Variants in TAF4 observed in about 807,000 individuals in gnomAD.
The protein encoded by TAF4 is transcription initiation factor TFIID subunit 4.
In TAF4, 9 loss-of-function variants were observed where a neutral mutation model predicts 90.3. The observed-to-expected ratio is 0.10, with a 90% CI of 0.06 to 0.17. The LOEUF is 0.17. TAF4 is among the 10% of genes least tolerant of loss of function. The pLI is 1.00. For synonymous variants in TAF4, 818 were observed against 638.9 expected (o/e 1.28, Z -4.23); for missense variants, 1,351 against 1,370.7 (o/e 0.99, Z 0.23).
rs1437634421 is a variant in TAF4, at chr20:62,062,370, CTGGTT to C, written c.1360+2076_1360+2080del. On this transcript the variant is annotated intron_variant, in intron 1 of 14. Coordinates refer to ENST00000252996, the MANE Select transcript of TAF4 (RefSeq NM_003185.4). ...GTTGTACTGTTCAAAAGAAGGTACT[CTGGTT>C]TGGGATACTGGTAGTTTTATTGATA... is the stretch of plus-strand genomic sequence containing the variant. 1.3e-4 allele frequency among the ~76,000 whole-genome samples: 20 copies of C among 151,568 alleles called. 1 individual carries two copies. The highest frequency in any genetic ancestry group is 2.1e-4 in the Non-Finnish European group (14 of 67,950).
chr20:62,046,755 C>T (rs1468889218), intron 1 of TAF4, among the ~76,000 whole-genome samples: 4 of 152,230 alleles, frequency 2.6e-5, no homozygotes, highest in Non-Finnish European at 4.4e-5. Context: ...AGTTTAACTC[C>T]AGCTGTTTTT....
intron 1 of TAF4, among the ~76,000 whole-genome samples, chr20:62,050,572 A>T (rs939289265): frequency 6.6e-6 from 1 of 152,050 alleles, no homozygotes; most frequent in Non-Finnish European, 1.5e-5. Context: ...AAAGGAATTT[A>T]AATGGTCAAA....
chr20:61,997,004 G>A (rs997854665), intron 14 of TAF4, among the ~76,000 whole-genome samples: 30 of 151,830 alleles, frequency 2.0e-4, no homozygotes, highest in African/African-American at 5.8e-4. Context: ...ATAAAAGACC[G>A]TTTTCTTTCT....
chr20:62,021,179 A>G (rs754623400), intron 1 of TAF4, among the ~76,000 whole-genome samples: 42 of 152,320 alleles, frequency 2.8e-4, no homozygotes, highest in Non-Finnish European at 4.9e-4. Context: ...CAAGGCTCAG[A>G]GGCAAAAAAA....
Position 62,065,524 on chromosome 20 carries a change from C to T in TAF4, c.287G>A (p.Arg96Gln). 1.0e-6 allele frequency: 1 copy of T among 976,690 alleles called. No individual in the cohort carries two copies. The highest frequency in any genetic ancestry group is 1.2e-6 in the Non-Finnish European group (1 of 825,844). The allele number at this position is 976,690 out of a possible 1,614,324, so 60.5% of individuals were successfully genotyped here. Residue 96 changes from arginine to glutamine, a missense_variant, in exon 1 of 15, where the codon CGG (arginine) becomes CAG (glutamine). Around this residue, in one of 9 missense-constraint regions of TAF4, gnomAD observed 782 missense variants for 536.6 expected, o/e 1.46. Transcript: ENST00000252996. ...APEPPPAGRARPGGGGPQRPG... is the reference protein window; with the variant it reads ...APEPPPAGRAQPGGGGPQRPG... ...GCGCTGCGGCCCCCCGCCCCCCGGC[C>T]GCGCTCTACCTGCGGGGGGCGGCTC... is the stretch of plus-strand genomic sequence containing the variant.
At chr20:61,985,366 T>C (rs191544345) in intron 14 of TAF4, among the ~76,000 whole-genome samples, 100 of 151,688 alleles carry the variant, frequency 6.6e-4, no homozygotes, top group Non-Finnish European at 9.9e-4. Flanking sequence ...ATTGCTGGAG[T>C]CTAGGAGCCT....
intron 5 of TAF4, chr20:62,008,741 C>T (rs2055761788): frequency 4.2e-6 from 1 of 235,986 alleles, no homozygotes; most frequent in African/African-American, 2.3e-5. Flanking sequence ...GAGACCCTGA[C>T]CAGAGTGCAG....
chr20:61,987,156 C>T (rs889761974), intron 14 of TAF4, among the ~76,000 whole-genome samples: 1 of 152,180 alleles, frequency 6.6e-6, no homozygotes, highest in African/African-American at 2.4e-5. Flanking sequence ...AGCCGGCCCG[C>T]GGCATTCTAA....
At chr20:62,062,367 ACT>A (rs1451209907) in intron 1 of TAF4, among the ~76,000 whole-genome samples, 3 of 151,536 alleles carry the variant, frequency 2.0e-5, no homozygotes, top group South Asian at 2.1e-4. Context: ...AAAAGAAGGT[ACT>A]CTGGTTTGGG....
intron 6 of TAF4, among the ~76,000 whole-genome samples, chr20:62,007,215 A>G (rs2055751799): frequency 6.6e-6 from 1 of 152,164 alleles, no homozygotes; most frequent in South Asian, 2.1e-4. Flanking sequence ...CCCAACAGAG[A>G]CAGCCTGACG....
chr20:62,014,904 T>A (rs1318683919), intron 1 of TAF4, among the ~76,000 whole-genome samples, 197 bp from the exon 2 acceptor site: 1 of 152,192 alleles, frequency 6.6e-6, no homozygotes, highest in Admixed American at 6.5e-5. Flanking sequence ...TAAAGGTTGT[T>A]AAAAGGCCAT....
Position 62,023,522 on chromosome 20 carries a change from G to T in TAF4, c.1361-8815C>A, listed in dbSNP as rs182203235. ...CAGCACTTCGGAAGGCCGAGGCGGG[G>T]AGACTGCTTGGGCTCAGGAGTTCGA... On this transcript the variant is annotated intron_variant, in intron 1 of 14. Coordinates refer to ENST00000252996, the MANE Select transcript of TAF4 (RefSeq NM_003185.4). 1.5e-4 allele frequency among the ~76,000 whole-genome samples: 22 copies of T among 150,132 alleles called. No individual in the cohort carries two copies. In the East Asian group the frequency reaches 4.0e-3, roughly 27 times the overall value.
chr20:62,012,601 TAAAAAAAAGA>T, intron 3 of TAF4: 1 of 557,150 alleles, frequency 1.8e-6, no homozygotes. Flanking sequence ...TCTGTGTGAC[TAAAAAAAAGA>T]AAAAAGAAAA....
chr20:62,060,077 G>A (rs915801967), intron 1 of TAF4, among the ~76,000 whole-genome samples: 1 of 152,186 alleles, frequency 6.6e-6, no homozygotes, highest in Non-Finnish European at 1.5e-5. Flanking sequence ...CTGACCAGAC[G>A]CCGCCTCCCG....
intron 8 of TAF4, 110 bp from the exon 9 acceptor site, chr20:62,003,384 C>A: frequency 1.1e-6 from 1 of 894,808 alleles, no homozygotes; most frequent in Admixed American, 2.4e-5. Context: ...TAATTAGCTA[C>A]AAGAAAGTTT....
At chr20:62,041,503 C>A (rs746027773) in intron 1 of TAF4, among the ~76,000 whole-genome samples, 3 of 152,094 alleles carry the variant, frequency 2.0e-5, no homozygotes, top group Non-Finnish European at 2.9e-5. Flanking sequence ...GTAGCATACG[C>A]CTGCAGTCCC....
intron 1 of TAF4, among the ~76,000 whole-genome samples, chr20:62,055,791 C>G (rs1367980415): frequency 2.0e-5 from 3 of 152,208 alleles, no homozygotes; most frequent in Non-Finnish European, 4.4e-5. Context: ...TAATCACAAT[C>G]AGACATTCCT....
intron 14 of TAF4, among the ~76,000 whole-genome samples, chr20:61,996,679 G>A (rs2055664718): frequency 6.6e-6 from 1 of 151,786 alleles, no homozygotes; most frequent in Non-Finnish European, 1.5e-5. Context: ...CACGTCTATA[G>A]TCCCAGCTAC....
At position 61,975,799 on chromosome 20, in the gene TAF4, C is replaced by T. The variant is rs780011669; in HGVS notation, c.*369G>A. On this transcript the variant is annotated 3_prime_UTR_variant, in exon 15 of 15. Transcript: ENST00000252996. ...TGAGGTCATCGGCTGTAGACATACA[C>T]CTACATAGTAAGTTAGGTAGAACTA... 3 of 229,368 alleles carry T rather than the reference C, an allele frequency of 1.3e-5. No individual in the cohort carries two copies. The highest frequency in any genetic ancestry group is 2.6e-5 in the Non-Finnish European group (3 of 115,384). 14.2% of individuals were successfully genotyped at this position (229,368 alleles called of 1,614,324 possible). A position where few individuals can be genotyped will look rare whatever the true frequency, so the allele number is the denominator to read the frequency against.
Sources: allele counts gnomAD v4.1 joint callset (sites outside exome capture counted in the v4.1 genomes callset), GRCh38; gene constraint gnomAD v4.1.1; regional missense constraint gnomAD v4.1.1; transcripts MANE v1.5; gene names NCBI Gene and HGNC (gene_info 2026-07-23, HGNC 2026-07-21).